The following SAXO1 variants were observed in gnomAD, a reference collection of about 807,000 sequenced individuals.
The protein encoded by SAXO1 is 4930500O09Rik.
A neutral mutation model predicts 17.5 loss-of-function variants in SAXO1; 21 were observed. That is an observed-to-expected ratio of 1.20 (90% CI 0.85 to 1.72). The LOEUF (loss-of-function observed/expected upper bound fraction) is 1.72. Among genes scored for constraint, SAXO1 ranks in the 40% most tolerant of loss-of-function variants. The pLI, the probability that SAXO1 is intolerant of heterozygous loss-of-function variation, is 0.00. For synonymous variants in SAXO1, 274 were observed against 216.5 expected (o/e 1.27, Z -2.33); for missense variants, 843 against 596.0 (o/e 1.41, Z -4.32).
At chr9:18,978,755 A>T (rs1833254066) in intron 1 of SAXO1, among the ~76,000 whole-genome samples, 1 of 152,232 alleles carries the variant, frequency 6.6e-6, no homozygotes, top group Non-Finnish European at 1.5e-5. Flanking sequence ...TATTATCAAC[A>T]GTTTGCAGAT....
rs539531857 is a variant in SAXO1, at chr9:18,928,350, G to A, written c.1127C>T (p.Ala376Val). ...GATAGGCAGGTGGGGCACATAGTGG[G>A]CCCGAGTGGTGGTCAGGCAGTCCAG... is the stretch of plus-strand genomic sequence containing the variant. Reference protein sequence around the residue: ...EPLDCLTTTRAHYVPHLPINT... With the variant: ...EPLDCLTTTRVHYVPHLPINT... The change falls in exon 4 of 4, where the codon GCC (alanine) becomes GTC (valine). Residue 376 changes from alanine (A) to valine (V), a missense_variant. Transcript: ENST00000380534. The A allele has an allele frequency of 9.9e-6, 16 of 1,613,368 alleles. No individual in the cohort carries two copies. In the South Asian group the frequency reaches 1.6e-4, roughly 17 times the overall value.
In SAXO1 at chr9:19,027,345, C is replaced by CT; in HGVS notation, c.38+5525_38+5526insA. The CT allele has an allele frequency of 1.0e-5, 8 of 785,934 alleles. No homozygotes were observed. The East Asian group carries it at 2.0e-4, about 19-fold the overall frequency. The allele number at this position is 785,934 out of a possible 1,614,324, so 48.7% of individuals were successfully genotyped here. On this transcript the variant is annotated intron_variant, in intron 1 of 3. Transcript: ENST00000380534. ...AATCCTGGAGACACTGCCCAGAGTA[C>CT]GACTCGCGGGTGAAGGCCACAGAGG...
intron 3 of SAXO1, among the ~76,000 whole-genome samples, chr9:18,939,138 T>C (rs933473458): frequency 2.6e-5 from 4 of 152,140 alleles, no homozygotes; most frequent in Non-Finnish European, 4.4e-5. Context: ...GGATATGCCA[T>C]ATCACAGTCC....
At position 18,990,737 on chromosome 9, in the gene SAXO1, G is replaced by A. The variant is rs940393296; in HGVS notation, c.39-39800C>T. The stretch of plus-strand genomic sequence containing the variant: ...ACCACCTGAGCTCTGCCTCTTGTCA[G>A]ATCAGCAGCATCATAGGAGTGCAAA... On this transcript the variant is annotated intron_variant, in intron 1 of 3. Coordinates refer to ENST00000380534, the MANE Select transcript of SAXO1 (RefSeq NM_153707.4). Among the ~76,000 whole-genome samples, 5 of 152,318 alleles carry A rather than the reference G, an allele frequency of 3.3e-5. No homozygotes were observed. The East Asian group carries it at 7.7e-4, about 23-fold the overall frequency.
chr9:19,039,119 A>G (rs1836015058), intron 1 of SAXO1, among the ~76,000 whole-genome samples: 1 of 151,998 alleles, frequency 6.6e-6, no homozygotes, highest in Admixed American at 6.6e-5. Flanking sequence ...TGGGCAACAG[A>G]GCAAGACCCT....
intron 2 of SAXO1, among the ~76,000 whole-genome samples, chr9:18,944,898 T>G (rs1003906797): frequency 6.6e-6 from 1 of 152,166 alleles, no homozygotes; most frequent in Non-Finnish European, 1.5e-5. Context: ...GAAGATATAT[T>G]AGTGTGTCCA....
rs1300510043 is a variant in SAXO1 at position 19,013,938 on chromosome 9, G to C, written c.38+18933C>G. 2.0e-5 allele frequency among the ~76,000 whole-genome samples: 3 copies of C among 152,070 alleles called. No homozygotes were observed. The East Asian group carries it at 5.8e-4, about 29-fold the overall frequency. On this transcript the variant is annotated intron_variant, in intron 1 of 3. Transcript: ENST00000380534. ...TAGCAGGCACCCAGTTCGTGAGCTG[G>C]GCATGTTAGTCTGTAACAGAGTCTG... is the stretch of plus-strand genomic sequence containing the variant.
At chr9:18,985,047 TTTTCAAATATTTGCCCTAA>T (rs1425017307) in intron 1 of SAXO1, among the ~76,000 whole-genome samples, 2 of 152,110 alleles carry the variant, frequency 1.3e-5, no homozygotes, top group Non-Finnish European at 2.9e-5. Context: ...TTTTCAGATA[TTTTCAAATATTTGCCCTAA>T]TTTCAAATAT....
intron 3 of SAXO1, among the ~76,000 whole-genome samples, chr9:18,932,733 T>G (rs368865128): frequency 1.3e-5 from 2 of 152,226 alleles, no homozygotes; most frequent in South Asian, 4.1e-4. Context: ...GCTTTCAGCA[T>G]GCAAGACTTA....
chr9:18,966,205 T>C (rs10113899), intron 1 of SAXO1, among the ~76,000 whole-genome samples: 12,444 of 152,226 alleles, frequency 0.082, 745 homozygotes, highest in African/African-American at 0.18. Flanking sequence ...GTCAATCTGA[T>C]GATTATGTGT....
intron 1 of SAXO1, among the ~76,000 whole-genome samples, chr9:18,993,989 T>C (rs1833912078): frequency 6.6e-6 from 1 of 152,052 alleles, no homozygotes; most frequent in South Asian, 2.1e-4. Flanking sequence ...ACAAAATGAG[T>C]TAAACCAAAT....
At chr9:18,938,186 G>A (rs1052197703) in intron 3 of SAXO1, among the ~76,000 whole-genome samples, 17 of 152,220 alleles carry the variant, frequency 1.1e-4, no homozygotes, top group African/African-American at 4.1e-4. Flanking sequence ...TAAGGAAACT[G>A]AGGAAGAAAA....
intron 1 of SAXO1, among the ~76,000 whole-genome samples, chr9:19,046,931 A>G (rs1836230583): frequency 6.6e-6 from 1 of 152,216 alleles, no homozygotes; most frequent in Non-Finnish European, 1.5e-5. Flanking sequence ...GCATGCCTGT[A>G]ACCCCAGCAC....
chr9:19,025,207 T>A (rs1283419616), intron 1 of SAXO1, among the ~76,000 whole-genome samples: 1 of 152,204 alleles, frequency 6.6e-6, no homozygotes, highest in Non-Finnish European at 1.5e-5. Context: ...TTTCTTGGCA[T>A]CTCTATCTGG....
intron 1 of SAXO1, among the ~76,000 whole-genome samples, chr9:19,013,596 G>C (rs942267270): frequency 1.4e-5 from 2 of 141,604 alleles, no homozygotes; most frequent in African/African-American, 5.4e-5. Context: ...ACCCAGGCTG[G>C]AATGCAGTGG....
chr9:18,969,752 TAC>T (rs773805639), intron 1 of SAXO1, among the ~76,000 whole-genome samples: 212 of 152,252 alleles, frequency 1.4e-3, no homozygotes, highest in Non-Finnish European at 2.7e-3. Flanking sequence ...AGAGCTTTGC[TAC>T]ACAGTCTTAT....
intron 1 of SAXO1, among the ~76,000 whole-genome samples, chr9:19,008,111 A>G (rs1487046308): frequency 6.6e-6 from 1 of 151,896 alleles, no homozygotes; most frequent in African/African-American, 2.4e-5. Context: ...GGGAGCTGGG[A>G]CTACAGGTGC....
intron 1 of SAXO1, among the ~76,000 whole-genome samples, chr9:19,024,910 C>T (rs568277738): frequency 3.9e-5 from 6 of 152,246 alleles, no homozygotes; most frequent in African/African-American, 1.2e-4. Flanking sequence ...CACTACAGAA[C>T]AGAATCAGAA....
At position 19,027,573 on chromosome 9, in the gene SAXO1, C is replaced by T. The variant is rs13298563; in HGVS notation, c.38+5298G>A. 115 of 1,370,100 alleles carry T rather than the reference C, an allele frequency of 8.4e-5. No individual in the cohort carries two copies. In the African/African-American group the frequency reaches 1.2e-3, roughly 15 times the overall value. The allele number at this position is 1,370,100 out of a possible 1,614,324, so 84.9% of individuals were successfully genotyped here. A position where few individuals can be genotyped will look rare whatever the true frequency, so the allele number is the denominator to read the frequency against. The stretch of plus-strand genomic sequence containing the variant: ...GCCTGTAGGGCACAGACTAAGGCCA[C>T]CTTCCTAAAGCTGACTGGCCCCCAG... On this transcript the variant is annotated intron_variant, in intron 1 of 3. Transcript: ENST00000380534.
Sources: gnomAD v4.1 joint callset for allele counts (sites outside exome capture counted in the v4.1 genomes callset) on GRCh38, gnomAD v4.1.1 for gene constraint, MANE v1.5 for transcripts, NCBI Gene and HGNC (gene_info 2026-07-23, HGNC 2026-07-21) for gene names.